NEGR1: variants seen among roughly 807,000 people sequenced by gnomAD.
NEGR1 encodes the protein IgLON family member 4.
Under a neutral mutation model 40.9 loss-of-function variants are expected in NEGR1, and 10 were observed. The ratio of observed to expected loss-of-function variants is 0.24; its 90% CI spans 0.15 to 0.42. NEGR1 has a LOEUF of 0.42. Among genes scored for constraint, NEGR1 ranks in the 10% least tolerant of loss-of-function variants. The pLI is 1.00. For synonymous variants in NEGR1, 185 were observed against 166.8 expected, an observed-to-expected ratio of 1.11 and a Z score of -0.84; for missense variants, 352 against 438.9, an observed-to-expected ratio of 0.80 and a Z score of 1.77.
rs1229102205 is a variant in NEGR1 at position 71,992,314 on chromosome 1, G to T, written c.177-57003C>A. ...TTAAAGAAGAATTTATATACACATT[G>T]CTACAAGATTACAAATATTGCAGCA... On this transcript the variant is annotated intron_variant, in intron 1 of 6. Transcript: ENST00000357731. Among the ~76,000 whole-genome samples, 4 of 151,960 alleles carry T rather than the reference G, an allele frequency of 2.6e-5. No homozygotes were observed. In the East Asian group the frequency reaches 7.7e-4, roughly 29 times the overall value.
chr1:71,849,559 T>C (rs975581130), intron 2 of NEGR1, among the ~76,000 whole-genome samples: 3 of 152,176 alleles, frequency 2.0e-5, no homozygotes, highest in African/African-American at 7.2e-5. Context: ...TTTGCTAAAA[T>C]GGTACCAGAA....
chr1:71,760,812 G>T (rs995151958), intron 3 of NEGR1, among the ~76,000 whole-genome samples: 1 of 152,080 alleles, frequency 6.6e-6, no homozygotes, highest in Non-Finnish European at 1.5e-5. Flanking sequence ...TACACAGTCT[G>T]TTCATAACAC....
intron 1 of NEGR1, among the ~76,000 whole-genome samples, chr1:72,253,655 A>G (rs543744802): frequency 3.9e-5 from 6 of 152,214 alleles, no homozygotes; most frequent in Non-Finnish European, 8.8e-5. Flanking sequence ...TGAGGAATCT[A>G]CAAGACATTT....
At chr1:71,848,702 T>C (rs1421138868) in intron 2 of NEGR1, among the ~76,000 whole-genome samples, 1 of 152,192 alleles carries the variant, frequency 6.6e-6, no homozygotes, top group East Asian at 1.9e-4. Flanking sequence ...CACAAGGAGA[T>C]TAATGTTGCT....
intron 2 of NEGR1, among the ~76,000 whole-genome samples, chr1:71,850,883 C>G (rs867137666): frequency 6.6e-6 from 1 of 152,128 alleles, no homozygotes; most frequent in Non-Finnish European, 1.5e-5. Flanking sequence ...TCCTGAAGCA[C>G]TCAAGGCTGA....
At chr1:71,625,516 A>G (rs1024163617) in intron 4 of NEGR1, among the ~76,000 whole-genome samples, 2 of 151,924 alleles carry the variant, frequency 1.3e-5, no homozygotes, top group Non-Finnish European at 2.9e-5. Context: ...GAGGATGTGC[A>G]TAGGTTCTAT....
At chr1:71,571,997 G>A (rs1422702085) in intron 6 of NEGR1, among the ~76,000 whole-genome samples, 1 of 151,992 alleles carries the variant, frequency 6.6e-6, no homozygotes, top group Non-Finnish European at 1.5e-5. Flanking sequence ...TCTTTGTTCT[G>A]TAAATTTATA....
intron 2 of NEGR1, among the ~76,000 whole-genome samples, chr1:71,801,047 C>T (rs553327660): frequency 6.6e-6 from 1 of 152,290 alleles, no homozygotes; most frequent in African/African-American, 2.4e-5. Context: ...TACAACGATG[C>T]ACATTACTTA....
At chr1:72,264,507 TAA>T (rs1224008720) in intron 1 of NEGR1, among the ~76,000 whole-genome samples, 4 of 149,150 alleles carry the variant, frequency 2.7e-5, no homozygotes, top group African/African-American at 4.9e-5. Flanking sequence ...ATTCTATATT[TAA>T]GTTTTAAATA....
At chr1:72,229,709 A>G (rs1017144082) in intron 1 of NEGR1, among the ~76,000 whole-genome samples, 1 of 151,808 alleles carries the variant, frequency 6.6e-6, no homozygotes, top group Non-Finnish European at 1.5e-5. Flanking sequence ...AAAGTTTCCA[A>G]TATATTTCCA....
At chr1:71,957,211 G>T (rs1024830943) in intron 1 of NEGR1, among the ~76,000 whole-genome samples, 1 of 152,122 alleles carries the variant, frequency 6.6e-6, no homozygotes, top group Non-Finnish European at 1.5e-5. Flanking sequence ...TCTTCAGAGA[G>T]TTTCACTTTG....
intron 1 of NEGR1, among the ~76,000 whole-genome samples, chr1:72,124,392 G>A (rs927103045): frequency 1.1e-4 from 16 of 151,880 alleles, no homozygotes; most frequent in Non-Finnish European, 2.9e-5. Context: ...CTGAAAAAAA[G>A]ATCAGCCCAG....
At chr1:71,771,447 T>C (rs891787144) in intron 3 of NEGR1, among the ~76,000 whole-genome samples, 3 of 151,708 alleles carry the variant, frequency 2.0e-5, no homozygotes, top group Non-Finnish European at 2.9e-5. Context: ...TAAAGTATCA[T>C]AAAACAAAAA....
intron 6 of NEGR1, among the ~76,000 whole-genome samples, chr1:71,419,693 C>T (rs1370538333): frequency 2.6e-5 from 4 of 152,036 alleles, no homozygotes; most frequent in East Asian, 1.9e-4. Context: ...AAGGCACTCA[C>T]GGTTCTTATT....
At chr1:71,711,049 A>G (rs1341665542) in intron 3 of NEGR1, among the ~76,000 whole-genome samples, 1 of 152,090 alleles carries the variant, frequency 6.6e-6, no homozygotes, top group Non-Finnish European at 1.5e-5. Context: ...AAAATTTTAA[A>G]TGGCCAAAAT....
At chr1:71,862,335 C>A (rs1178807741) in intron 2 of NEGR1, among the ~76,000 whole-genome samples, 2 of 152,094 alleles carry the variant, frequency 1.3e-5, no homozygotes, top group Non-Finnish European at 2.9e-5. Context: ...AAGCTGTTCT[C>A]AAGTTATCAT....
At position 72,065,820 on chromosome 1, in the gene NEGR1, C is replaced by G. The variant is rs1647258925; in HGVS notation, c.177-130509G>C. Among the ~76,000 whole-genome samples the G allele has an allele frequency of 2.0e-5, 3 of 152,072 alleles. No homozygotes were observed. In the South Asian group the frequency reaches 6.2e-4, roughly 31 times the overall value. On this transcript the variant is annotated intron_variant, in intron 1 of 6. Coordinates refer to ENST00000357731, the MANE Select transcript of NEGR1 (RefSeq NM_173808.3). ...ACTGCATATAATGCTCACAGCACCA[C>G]TATGAGACCCTGCTTTTAATTCTAA...
At chr1:71,647,142 T>C (rs191503781) in intron 4 of NEGR1, among the ~76,000 whole-genome samples, 7 of 151,938 alleles carry the variant, frequency 4.6e-5, no homozygotes, top group African/African-American at 1.4e-4. Context: ...CAGGGCTCTT[T>C]GGACTCAATC....
At chr1:71,492,857 C>T (rs561610280) in intron 6 of NEGR1, among the ~76,000 whole-genome samples, 1 of 152,244 alleles carries the variant, frequency 6.6e-6, no homozygotes, top group East Asian at 1.9e-4. Context: ...TTGCCTCTCA[C>T]CATAGTCTGT....
Sources: gnomAD v4.1 joint callset for allele counts (sites outside exome capture counted in the v4.1 genomes callset) on GRCh38, gnomAD v4.1.1 for gene constraint, MANE v1.5 for transcripts, NCBI Gene and HGNC (gene_info 2026-07-23, HGNC 2026-07-21) for gene names.